TMEM120A: variants seen among roughly 807,000 people sequenced by gnomAD.
TMEM120A encodes ion channel TACAN.
Under a neutral mutation model 54.3 loss-of-function variants are expected in TMEM120A, and 45 were observed. The observed-to-expected ratio is 0.83, with a 90% confidence interval of 0.65 to 1.06. The LOEUF is 1.06. Among genes scored for constraint, TMEM120A ranks in the 50% least tolerant of loss-of-function variants. The probability of loss-of-function intolerance (pLI) is 0.00; values close to 1 mark genes in which losing one functional copy is unlikely to be tolerated. For synonymous variants in TMEM120A, 204 were observed against 178.5 expected (o/e 1.14, Z -1.14); for missense variants, 424 against 441.7 (o/e 0.96, Z 0.36).
At chr7:75,989,126 AG>A in intron 4 of TMEM120A, 38 bp downstream of exon 4, 2 of 264,670 alleles carry the variant, frequency 7.6e-6, no homozygotes, top group Non-Finnish European at 1.2e-5. Context: ...CTAGGGGTGG[AG>A]GGGTGGAGGT....
Position 75,987,784 on chromosome 7 carries a change from A to G in TMEM120A, c.718T>C (p.Tyr240His), listed in dbSNP as rs781909858. The change falls in exon 9 of 12, where the codon TAC becomes CAC. Residue 240 changes from tyrosine to histidine, a missense_variant. Coordinates refer to ENST00000493111, the MANE Select transcript of TMEM120A (RefSeq NM_031925.3). ...QSFVQFLQYY[Y>H]QSGCLYRLRA... ...AGGCGGTAGAGGCAGCCGCTCTGGT[A>G]GTAGTACTGGAGAAACTGCACGAAG... 2.5e-6 allele frequency: 4 copies of G among 1,612,094 alleles called. No individual in the cohort carries two copies. Among genetic ancestry groups the G allele is most frequent in the Non-Finnish European group, 3.4e-6 (4 of 1,179,756 alleles).
intron 1 of TMEM120A, 28 bp from the exon 2 acceptor site, chr7:75,992,585 C>T (rs1789891016): frequency 2.0e-6 from 3 of 1,515,692 alleles, no homozygotes; most frequent in Admixed American, 3.9e-5. Context: ...GAGGCTCAGG[C>T]CAGTTGGGGA....
Position 75,987,027 on chromosome 7 carries a change from T to G in TMEM120A, c.*145A>C, listed in dbSNP as rs2116644947. The G allele has an allele frequency of 1.4e-6, 1 of 699,936 alleles. No individual in the cohort carries two copies. The highest frequency in any genetic ancestry group is 2.7e-5 in the East Asian group (1 of 36,920). The allele number at this position is 699,936 out of a possible 1,614,324, so 43.4% of individuals were successfully genotyped here. ...TTATTGAGGGCACTGGGCCCAGGTC[T>G]TCCTTCAGGGCCCACAGCGCCCATA... is the stretch of plus-strand genomic sequence containing the variant. On this transcript the variant is annotated 3_prime_UTR_variant, in exon 12 of 12. Coordinates refer to ENST00000493111, the MANE Select transcript of TMEM120A (RefSeq NM_031925.3).
Position 75,987,120 on chromosome 7 carries a change from CCACAACA to C in TMEM120A, c.*45_*51del, listed in dbSNP as rs1171299781. On this transcript the variant is annotated 3_prime_UTR_variant, in exon 12 of 12. Transcript: ENST00000493111. The stretch of plus-strand genomic sequence containing the variant: ...CTCGAGGGGCGCCTCCCATCCCCTC[CCACAACA>C]CACAGGACAGAAGCCCCTCTGGGCC... The C allele has an allele frequency of 2.0e-6, 3 of 1,483,402 alleles. No homozygotes were observed. The highest frequency in any genetic ancestry group is 2.8e-6 in the Non-Finnish European group (3 of 1,083,986). The allele number at this position is 1,483,402 out of a possible 1,614,324, so 91.9% of individuals were successfully genotyped here. A position where few individuals can be genotyped will look rare whatever the true frequency, so the allele number is the denominator to read the frequency against.
Position 75,988,273 on chromosome 7 carries a change from A to G in TMEM120A, c.542T>C (p.Ile181Thr), listed in dbSNP as rs1350140598. 2 of 1,611,818 alleles carry G rather than the reference A, an allele frequency of 1.2e-6. No individual in the cohort carries two copies. Among genetic ancestry groups the G allele is most frequent in the Admixed American group, 1.7e-5 (1 of 59,982 alleles). ...YYCTLTIRESILINNGSRIKG... is the reference protein window; with the variant it reads ...YYCTLTIRESTLINNGSRIKG... ...CCACCGGGAGCCGTTGTTGATGAGG[A>G]TGCTCTCCCGGATGGTCAGGGTGCA... The change falls in exon 6 of 12, where the codon ATC (isoleucine) becomes ACC (threonine). Residue 181 changes from isoleucine to threonine, a missense_variant. Transcript: ENST00000493111.
intron 3 of TMEM120A, among the ~76,000 whole-genome samples, chr7:75,991,240 C>T (rs184221929): frequency 6.6e-6 from 1 of 152,250 alleles, no homozygotes; most frequent in South Asian, 2.1e-4. Context: ...CGCCCCCGCC[C>T]GCCTACTGGG....
Position 75,988,150 on chromosome 7 carries a change from T to C in TMEM120A, c.564-2A>G, listed in dbSNP as rs1209911483. 3 of 1,610,782 alleles carry C rather than the reference T, an allele frequency of 1.9e-6. No individual in the cohort carries two copies. The highest frequency in any genetic ancestry group is 2.2e-5 in the East Asian group (1 of 44,802). ...TGGAACACCCACCAGCCTTTGATCCTGGAGCAGAGAGCCACCATCACCCCC... is the reference window on the plus strand; with the variant it reads ...TGGAACACCCACCAGCCTTTGATCCCGGAGCAGAGAGCCACCATCACCCCC... On this transcript the variant is annotated splice_acceptor_variant, in intron 6 of 11. Coordinates refer to ENST00000493111, the MANE Select transcript of TMEM120A (RefSeq NM_031925.3). LOFTEE classifies it high-confidence loss of function.
intron 3 of TMEM120A, 120 bp from the exon 4 acceptor site, chr7:75,989,344 C>T (rs868917721): frequency 2.2e-5 from 16 of 720,038 alleles, no homozygotes; most frequent in South Asian, 3.1e-5. Flanking sequence ...CGCTGCTTTC[C>T]GCAGGGCCTT....
chr7:75,987,347 G>A lies in TMEM120A; in HGVS notation c.918+13C>T, dbSNP rs1554560027. 1.3e-6 allele frequency: 2 copies of A among 1,561,012 alleles called. No homozygotes were observed. The highest frequency in any genetic ancestry group is 2.4e-5 in the South Asian group (2 of 85,004). On this transcript the variant is annotated intron_variant, in intron 11 of 11. Coordinates refer to ENST00000493111, the MANE Select transcript of TMEM120A (RefSeq NM_031925.3). ...TGGCCCCCCATCCATCCTGTCCAGG[G>A]ACCCCGGCTCACCTGCCACTCCTTG...
intron 8 of TMEM120A, 40 bp from the exon 9 acceptor site, chr7:75,987,850 G>T: frequency 1.9e-6 from 3 of 1,602,552 alleles, no homozygotes; most frequent in East Asian, 2.3e-5. Context: ...GCTGAGCCCC[G>T]GGAGGGGTTC....
In TMEM120A at chr7:75,987,821, C is replaced by T. The variant is rs371092021; in HGVS notation, c.692-11G>A. 2.2e-4 allele frequency: 359 copies of T among 1,610,252 alleles called. 3 individuals carry two copies. In the East Asian group the frequency reaches 3.8e-3, roughly 17 times the overall value. On this transcript the variant is annotated splice_polypyrimidine_tract_variant and intron_variant, in intron 8 of 11. Coordinates refer to ENST00000493111, the MANE Select transcript of TMEM120A (RefSeq NM_031925.3). Reference sequence around the variant, plus strand: ...GAAACTGCACGAAGCCTGGGCCGGGCGGAGGACAGAGGAGCAGGGCTGAGC... The same window carrying T: ...GAAACTGCACGAAGCCTGGGCCGGGTGGAGGACAGAGGAGCAGGGCTGAGC...
Position 75,988,233 on chromosome 7 carries a change from C to T in TMEM120A, c.563+19G>A. ...CACCCCATTCCATGCTCCCCTCCCT[C>T]AGGGCCCGCCCTGCCCACCGGGAGC... is the stretch of plus-strand genomic sequence containing the variant. On this transcript the variant is annotated intron_variant, in intron 6 of 11. Transcript: ENST00000493111. The T allele has an allele frequency of 6.2e-7, 1 of 1,611,918 alleles. No homozygotes were observed. The highest frequency in any genetic ancestry group is 8.5e-7 in the Non-Finnish European group (1 of 1,179,780).
chr7:75,993,391 C>T (rs939370191), intron 1 of TMEM120A, among the ~76,000 whole-genome samples: 9 of 152,258 alleles, frequency 5.9e-5, no homozygotes, highest in African/African-American at 1.9e-4. Context: ...CTTCCCCTAG[C>T]ACCTTTGGCC....
chr7:75,988,023 G>A, intron 7 of TMEM120A, 39 bp from the exon 8 acceptor site: 1 of 1,594,738 alleles, frequency 6.3e-7, no homozygotes, highest in South Asian at 1.1e-5. Context: ...GGACCCTTGG[G>A]GATGCCGTGT....
chr7:75,989,360 C>T lies in TMEM120A; in HGVS notation c.318-136G>A, dbSNP rs1287487016. 20 of 673,570 alleles carry T rather than the reference C, an allele frequency of 3.0e-5. No homozygotes were observed. In the East Asian group the frequency reaches 4.2e-4, roughly 14 times the overall value. 41.7% of individuals were successfully genotyped at this position (673,570 alleles called of 1,614,324 possible). ...GCTGCTTTCCGCAGGGCCTTGGCAT[C>T]GGGTTCTGACCTTGGAGGCTGCAGA... On this transcript the variant is annotated intron_variant, in intron 3 of 11. Transcript: ENST00000493111.
At position 75,989,197 on chromosome 7, in the gene TMEM120A, G is replaced by A. The variant is rs782348208; in HGVS notation, c.345C>T (p.Asn115=). ...NGLYLSLVLG[N]VNVTLLSKQA... is the part of the protein sequence containing the mutation. ...GCTTGCTCAGGAGCGTGACGTTGAC[G>A]TTCCCCAGAACCAGGCTCAGGTACA... The change falls in exon 4 of 12, where the codon AAC becomes AAT. Residue 115 remains asparagine, a synonymous_variant. Transcript: ENST00000493111. 4.3e-5 allele frequency: 65 copies of A among 1,513,930 alleles called. No homozygotes were observed. The highest frequency in any genetic ancestry group is 1.0e-4 in the East Asian group (4 of 40,138). The allele number at this position is 1,513,930 out of a possible 1,614,324, so 93.8% of individuals were successfully genotyped here. A position where few individuals can be genotyped will look rare whatever the true frequency, so the allele number is the denominator to read the frequency against.
In TMEM120A at chr7:75,992,734, G is replaced by A. The variant is rs180843735; in HGVS notation, c.82-177C>T. On this transcript the variant is annotated intron_variant, in intron 1 of 11. Transcript: ENST00000493111. ...TGGCTGTCTCCCCAAGGCAGGCAAG[G>A]ACCTGGGTGTCCTCCTGTGAGCCCA... 1.2e-3 allele frequency among the ~76,000 whole-genome samples: 180 copies of A among 152,278 alleles called. 1 individual carries two copies. Among genetic ancestry groups the A allele is most frequent in the African/African-American group, 4.1e-3 (171 of 41,554 alleles).
At chr7:75,989,595 C>T (rs1379097108) in intron 3 of TMEM120A, among the ~76,000 whole-genome samples, 2 of 151,874 alleles carry the variant, frequency 1.3e-5, no homozygotes, top group Non-Finnish European at 2.9e-5. Context: ...CCCCCCAGCT[C>T]CCTGCCACCT....
At chr7:75,989,406 G>A (rs1789746772) in intron 3 of TMEM120A, among the ~76,000 whole-genome samples, 182 bp from the exon 4 acceptor site, 4 of 151,422 alleles carry the variant, frequency 2.6e-5, no homozygotes, top group Admixed American at 6.6e-5. Context: ...GCCATGCCCA[G>A]CCTTCCTGGC....
Sources: gnomAD v4.1 joint callset for allele counts (sites outside exome capture counted in the v4.1 genomes callset) on GRCh38, gnomAD v4.1.1 for gene constraint, MANE v1.5 for transcripts, NCBI Gene and HGNC (gene_info 2026-07-23, HGNC 2026-07-21) for gene names.